The following NXPE4 variants were observed in gnomAD, a reference collection of about 807,000 sequenced individuals.
NXPE4 encodes neurexophilin and PC-esterase domain family member 4.
NXPE4 carries 42 observed loss-of-function variants against 33.3 expected under a neutral mutation model. The ratio of observed to expected loss-of-function variants is 1.26; its 90% CI spans 0.98 to 1.63. NXPE4 has a LOEUF of 1.63. Ranked by LOEUF, NXPE4 falls within the 40% of genes most tolerant of loss-of-function variation. The probability of loss-of-function intolerance (pLI) is 0.00; values close to 1 mark genes in which losing one functional copy is unlikely to be tolerated. For synonymous variants in NXPE4, 253 were observed against 234.9 expected, an observed-to-expected ratio of 1.08 and a Z score of -0.71; for missense variants, 709 against 647.6, an observed-to-expected ratio of 1.09 and a Z score of -1.03.
chr11:114,609,521 C>G, the NXPE4 span, among the ~76,000 whole-genome samples: 1 of 151,800 alleles, frequency 6.6e-6, no homozygotes, highest in Non-Finnish European at 1.5e-5. Context: ...AGTACTGCTT[C>G]GTGGGTAACC....
chr11:114,641,579 T>A, the NXPE4 span, among the ~76,000 whole-genome samples: 1 of 152,066 alleles, frequency 6.6e-6, no homozygotes, highest in African/African-American at 2.4e-5. Context: ...CTAAATGTGC[T>A]AGGTGTCCAA....
At chr11:114,662,688 T>C in the NXPE4 span, among the ~76,000 whole-genome samples, 1 of 152,008 alleles carries the variant, frequency 6.6e-6, no homozygotes, top group Non-Finnish European at 1.5e-5. Context: ...GACTTTGTCT[T>C]CCATTTAGGA....
At chr11:114,587,339 G>A (rs1348180508) in intron 2 of NXPE4, among the ~76,000 whole-genome samples, 4 of 152,176 alleles carry the variant, frequency 2.6e-5, no homozygotes, top group Non-Finnish European at 5.9e-5. Flanking sequence ...AATTCCGGAA[G>A]TTAACCAGAG....
chr11:114,593,599 A>G (rs1045968059), intron 2 of NXPE4, among the ~76,000 whole-genome samples: 3 of 152,108 alleles, frequency 2.0e-5, no homozygotes, highest in Non-Finnish European at 4.4e-5. Flanking sequence ...TACAACCACT[A>G]TAGAGAACAG....
intron 2 of NXPE4, chr11:114,583,814 T>G (rs1949213652): frequency 2.3e-6 from 1 of 428,814 alleles, no homozygotes; most frequent in Non-Finnish European, 4.5e-6. Context: ...AGAGGCCTTC[T>G]ATATTACAGG....
At chr11:114,644,943 A>T in the NXPE4 span, among the ~76,000 whole-genome samples, 2 of 152,106 alleles carry the variant, frequency 1.3e-5, no homozygotes, top group South Asian at 4.1e-4. Context: ...GATAAATAAC[A>T]GAAATTGTCA....
At chr11:114,659,603 A>G in the NXPE4 span, among the ~76,000 whole-genome samples, 25 of 152,270 alleles carry the variant, frequency 1.6e-4, no homozygotes, top group East Asian at 4.6e-3. Flanking sequence ...AGTCACAAGA[A>G]TACTAGAAAA....
the NXPE4 span, among the ~76,000 whole-genome samples, chr11:114,619,981 T>C: frequency 2.7e-5 from 4 of 150,846 alleles, no homozygotes; most frequent in African/African-American, 9.7e-5. Context: ...CACTGTTACC[T>C]GGTGGATAGT....
the NXPE4 span, among the ~76,000 whole-genome samples, chr11:114,610,460 T>A: frequency 8.6e-5 from 13 of 151,754 alleles, 1 homozygote; most frequent in Non-Finnish European, 1.9e-4. Flanking sequence ...GGATAATAAG[T>A]GTTGTTTCTA....
chr11:114,594,531 T>A (rs1352952706), intron 2 of NXPE4, 133 bp downstream of exon 2: 4 of 653,282 alleles, frequency 6.1e-6, no homozygotes, highest in Non-Finnish European at 1.1e-5. Flanking sequence ...TTATCAGGTA[T>A]GTTGTTTGGT....
At chr11:114,601,246 T>C in the NXPE4 span, among the ~76,000 whole-genome samples, 77,144 of 149,614 alleles carry the variant, frequency 0.52, 20,743 homozygotes, top group African/African-American at 0.65. Context: ...TCCCTTCCCA[T>C]GCTCCCTCTT....
chr11:114,592,858 A>C (rs1314321147), intron 2 of NXPE4, among the ~76,000 whole-genome samples: 1 of 152,178 alleles, frequency 6.6e-6, no homozygotes, highest in Non-Finnish European at 1.5e-5. Flanking sequence ...TAGAGAACAC[A>C]GAAATGAATC....
chr11:114,639,077 C>T, the NXPE4 span, among the ~76,000 whole-genome samples: 2 of 152,098 alleles, frequency 1.3e-5, no homozygotes, highest in Non-Finnish European at 2.9e-5. Context: ...GAGGTGGAGC[C>T]TACAGAGGCA....
the NXPE4 span, among the ~76,000 whole-genome samples, chr11:114,610,530 C>T: frequency 0.048 from 7,351 of 151,606 alleles, 597 homozygotes; most frequent in African/African-American, 0.17. Flanking sequence ...CACTGTTACC[C>T]GGTGGATAAT....
the NXPE4 span, among the ~76,000 whole-genome samples, chr11:114,638,086 C>T: frequency 1.1e-4 from 17 of 151,522 alleles, no homozygotes; most frequent in Admixed American, 1.3e-4. Flanking sequence ...TTCACCCCGT[C>T]ACTTTCAGGT....
the NXPE4 span, among the ~76,000 whole-genome samples, chr11:114,661,273 G>T: frequency 1.3e-5 from 2 of 152,078 alleles, no homozygotes; most frequent in Non-Finnish European, 2.9e-5. Context: ...ATGTTGAAAG[G>T]TAAGGGAAAT....
chr11:114,601,835 TATATATAATATAAA>T, the NXPE4 span, among the ~76,000 whole-genome samples: 2 of 67,460 alleles, frequency 3.0e-5, no homozygotes, highest in African/African-American at 1.3e-4. Context: ...TATATAATTA[TATATATAATATAAA>T]ATATATAATA....
At chr11:114,590,185 A>G (rs755910436) in intron 2 of NXPE4, among the ~76,000 whole-genome samples, 3 of 152,192 alleles carry the variant, frequency 2.0e-5, no homozygotes, top group Non-Finnish European at 2.9e-5. Context: ...CAATATGTGG[A>G]TGATATACTG....
At chr11:114,646,072 C>CA in the NXPE4 span, among the ~76,000 whole-genome samples, 1 of 152,048 alleles carries the variant, frequency 6.6e-6, no homozygotes, top group African/African-American at 2.4e-5. Flanking sequence ...CAAATAATGA[C>CA]AACTTGTGAC....
Sources: allele counts gnomAD v4.1 joint callset (sites outside exome capture counted in the v4.1 genomes callset), GRCh38; gene constraint gnomAD v4.1.1; transcripts MANE v1.5; gene names NCBI Gene and HGNC (gene_info 2026-07-23, HGNC 2026-07-21).